The following KLF8 variants were observed in gnomAD, a reference collection of about 807,000 sequenced individuals.
The protein encoded by KLF8 is Krueppel-like factor 8.
A neutral mutation model predicts 18.2 loss-of-function variants in KLF8; 10 were observed. That is an observed-to-expected ratio of 0.55 (90% CI 0.34 to 0.93). The LOEUF (loss-of-function observed/expected upper bound fraction) is 0.93. Ranked by LOEUF, KLF8 falls within the 40% of genes least tolerant of loss-of-function variation. The pLI, the probability that KLF8 is intolerant of heterozygous loss-of-function variation, is 0.02. For synonymous variants in KLF8, 109 were observed against 97.3 expected (o/e 1.12, Z -0.71); for missense variants, 264 against 277.9 (o/e 0.95, Z 0.36).
the KLF8 span, among the ~76,000 whole-genome samples, chrX:56,070,482 A>G: frequency 3.6e-5 from 4 of 111,003 alleles, no homozygotes; most frequent in East Asian, 8.5e-4. Flanking sequence ...CTATTCAGCC[A>G]TCAAAAGGAA....
chrX:56,066,929 G>A, the KLF8 span, among the ~76,000 whole-genome samples: 1 of 109,984 alleles, frequency 9.1e-6, no homozygotes, highest in Non-Finnish European at 1.9e-5. Flanking sequence ...ACAATGGTTA[G>A]GATTGCAGAA....
chrX:56,255,348 A>T (rs143855287), intron 2 of KLF8, among the ~76,000 whole-genome samples: 103 of 112,407 alleles, frequency 9.2e-4, no homozygotes, highest in African/African-American at 3.2e-3. Flanking sequence ...GGATCATATC[A>T]TCTGCAAACA....
chrX:56,253,232 C>T (rs773285519), intron 2 of KLF8, among the ~76,000 whole-genome samples: 1 of 111,708 alleles, frequency 9.0e-6, no homozygotes, highest in East Asian at 2.8e-4. Flanking sequence ...CCATTTGTTC[C>T]TGTTTGCTTT....
chrX:56,042,431 T>C, the KLF8 span, among the ~76,000 whole-genome samples: 1 of 111,271 alleles, frequency 9.0e-6, no homozygotes, highest in Non-Finnish European at 1.9e-5. Flanking sequence ...TAATTTTCTG[T>C]CAGTGGGGTG....
the KLF8 span, among the ~76,000 whole-genome samples, chrX:56,209,465 T>A: frequency 9.0e-6 from 1 of 110,875 alleles, no homozygotes; most frequent in East Asian, 2.9e-4. Context: ...ATGTCATTAT[T>A]CACAAATAAG....
At chrX:56,249,579 A>T (rs942573852) in intron 1 of KLF8, among the ~76,000 whole-genome samples, 5 of 111,491 alleles carry the variant, frequency 4.5e-5, no homozygotes, top group African/African-American at 6.5e-5. Flanking sequence ...ATAGATGGAC[A>T]AGTTGTGGCT....
the KLF8 span, among the ~76,000 whole-genome samples, chrX:56,018,524 T>C: frequency 9.0e-6 from 1 of 111,711 alleles, no homozygotes; most frequent in Admixed American, 9.6e-5. Flanking sequence ...AGCTGAATTA[T>C]GCCCTTTGGG....
chrX:56,022,001 A>C, the KLF8 span, among the ~76,000 whole-genome samples: 1 of 110,981 alleles, frequency 9.0e-6, no homozygotes, highest in Non-Finnish European at 1.9e-5. Context: ...ATTCAAAGCA[A>C]GTGTCAACCA....
chrX:56,133,022 A>T, the KLF8 span, among the ~76,000 whole-genome samples: 9 of 111,488 alleles, frequency 8.1e-5, no homozygotes, highest in East Asian at 2.8e-4. Context: ...AATGGTAATT[A>T]AAAAAATGGC....
At chrX:56,260,321 T>C (rs2066866140) in intron 2 of KLF8, among the ~76,000 whole-genome samples, 1 of 111,858 alleles carries the variant, frequency 8.9e-6, no homozygotes, top group African/African-American at 3.2e-5. Context: ...CAATGTGTTA[T>C]ATATATTTTC....
the KLF8 span, among the ~76,000 whole-genome samples, chrX:56,026,105 G>A: frequency 8.9e-6 from 1 of 112,185 alleles, no homozygotes; most frequent in Non-Finnish European, 1.9e-5. Context: ...GTCCAGGCTT[G>A]GTTTGGCCTC....
chrX:56,006,301 G>T, the KLF8 span, among the ~76,000 whole-genome samples: 1 of 111,974 alleles, frequency 8.9e-6, no homozygotes, highest in Non-Finnish European at 1.9e-5. Context: ...AAAGTAGGTT[G>T]CTCCTCACCT....
intron 3 of KLF8, 198 bp from the exon 4 acceptor site, chrX:56,269,180 T>C: frequency 2.0e-6 from 2 of 1,020,323 alleles, no homozygotes; most frequent in Non-Finnish European, 2.5e-6. Context: ...GGCATTTCTG[T>C]TCCCTGCTAT....
At chrX:56,215,031 C>T in the KLF8 span, among the ~76,000 whole-genome samples, 2 of 112,051 alleles carry the variant, frequency 1.8e-5, no homozygotes, top group African/African-American at 6.5e-5. Context: ...GGTAAGCGGC[C>T]AAGTTGATCA....
At chrX:56,032,250 G>A in the KLF8 span, among the ~76,000 whole-genome samples, 69 of 111,496 alleles carry the variant, frequency 6.2e-4, no homozygotes, top group Non-Finnish European at 7.9e-4. Context: ...GGTGATTACA[G>A]GCATGAGCCA....
the KLF8 span, among the ~76,000 whole-genome samples, chrX:56,075,961 C>A: frequency 1.9e-5 from 2 of 103,262 alleles, no homozygotes; most frequent in South Asian, 4.8e-4. Context: ...TATTATACTC[C>A]CCCCACACCA....
chrX:56,086,190 TG>T, the KLF8 span, among the ~76,000 whole-genome samples: 1 of 112,050 alleles, frequency 8.9e-6, no homozygotes, highest in Non-Finnish European at 1.9e-5. Flanking sequence ...GATTAGAAAT[TG>T]TCGGGAAGCA....
the KLF8 span, among the ~76,000 whole-genome samples, chrX:56,134,166 C>G: frequency 9.0e-6 from 1 of 111,114 alleles, no homozygotes; most frequent in African/African-American, 3.3e-5. Flanking sequence ...AAAAAACAAT[C>G]TTAAAATTCA....
At chrX:56,077,427 C>T in the KLF8 span, among the ~76,000 whole-genome samples, 1 of 111,606 alleles carries the variant, frequency 9.0e-6, no homozygotes, top group African/African-American at 3.3e-5. Context: ...GTTTTTCTCA[C>T]GTTTGTCAAA....
Sources: allele counts gnomAD v4.1 joint callset (sites outside exome capture counted in the v4.1 genomes callset), GRCh38; gene constraint gnomAD v4.1.1; transcripts MANE v1.5; gene names NCBI Gene and HGNC (gene_info 2026-07-23, HGNC 2026-07-21).